The following UCK2 variants were observed in gnomAD, a reference collection of about 807,000 sequenced individuals.
UCK2 encodes cytidine monophosphokinase 2.
UCK2 carries 6 observed loss-of-function variants against 30.8 expected under a neutral mutation model. The observed-to-expected ratio is 0.19, with a 90% CI of 0.11 to 0.38. The LOEUF is 0.38. Ranked by LOEUF, UCK2 falls within the 10% of genes least tolerant of loss-of-function variation. UCK2 has a pLI of 1.00. For synonymous variants in UCK2, 125 were observed against 133.6 expected, an observed-to-expected ratio of 0.94 and a Z score of 0.45; for missense variants, 210 against 339.8, an observed-to-expected ratio of 0.62 and a Z score of 3.00.
At position 165,908,670 on chromosome 1, in the gene UCK2, C is replaced by T. The variant is rs1478737722; in HGVS notation, c.*847C>T. On this transcript the variant is annotated 3_prime_UTR_variant, in exon 7 of 7. Coordinates refer to ENST00000367879, the MANE Select transcript of UCK2 (RefSeq NM_012474.5). The stretch of plus-strand genomic sequence containing the variant: ...GGAAGAGATTTTATGGGATCGCTTC[C>T]TGATAGAAGATGGGAAGGAGAGGGC... 1 of 152,086 alleles carries T rather than the reference C, an allele frequency of 6.6e-6. No individual in the cohort carries two copies. The highest frequency in any genetic ancestry group is 1.9e-4 in the East Asian group (1 of 5,176). The allele number at this position is 152,086 out of a possible 1,614,324, so 9.4% of individuals were successfully genotyped here.
chr1:165,848,374 G>A (rs1654502809), intron 1 of UCK2, among the ~76,000 whole-genome samples: 1 of 152,322 alleles, frequency 6.6e-6, no homozygotes, highest in East Asian at 1.9e-4. Context: ...GCTTACGCCT[G>A]TAATCCCAGC....
chr1:165,890,161 T>C, intron 1 of UCK2, 43 bp from the exon 2 acceptor site: 1 of 1,610,552 alleles, frequency 6.2e-7, no homozygotes, highest in Non-Finnish European at 8.5e-7. Flanking sequence ...GTACCACACG[T>C]GCCCTTTCTC....
In UCK2 at chr1:165,907,732, G is replaced by A; in HGVS notation, c.695G>A (p.Gly232Glu). The A allele has an allele frequency of 6.2e-7, 1 of 1,614,166 alleles. No individual in the cohort carries two copies. The highest frequency in any genetic ancestry group is 8.5e-7 in the Non-Finnish European group (1 of 1,180,034). ...CACATCCAGGACATCCTGAATGGAGGGCCCTCCAAACGGCAGACCAATGGC... is the reference window on the plus strand; with the variant it reads ...CACATCCAGGACATCCTGAATGGAGAGCCCTCCAAACGGCAGACCAATGGC... The part of the protein sequence containing the change: ...VQHIQDILNG[G>E]PSKRQTNGCL... Residue 232 changes from glycine to glutamate, a missense_variant, in exon 7 of 7, where the codon GGG becomes GAG. By Grantham distance (98) the Gly-to-Glu change is moderately conservative. This residue lies in a region of UCK2 where 38 missense variants were observed against 45.4 expected (regional missense o/e 0.84). Transcript: ENST00000367879.
chr1:165,852,731 C>T (rs1654628882), intron 1 of UCK2, among the ~76,000 whole-genome samples: 1 of 152,136 alleles, frequency 6.6e-6, no homozygotes, highest in Non-Finnish European at 1.5e-5. Context: ...TCTATCCTTC[C>T]TTATATAAGT....
intron 1 of UCK2, among the ~76,000 whole-genome samples, chr1:165,841,109 G>A (rs1277195573): frequency 4.3e-5 from 2 of 46,472 alleles, no homozygotes; most frequent in African/African-American, 4.6e-5. Context: ...GTGTGTGTGT[G>A]TGTATATATA....
rs187445851 is a variant in UCK2, at chr1:165,874,186, A to G, written c.100-16018A>G. Among the ~76,000 whole-genome samples the G allele has an allele frequency of 9.8e-5, 15 of 152,330 alleles. No individual in the cohort carries two copies. In the East Asian group the frequency reaches 2.9e-3, roughly 29 times the overall value. ...GGAACTTGATGCTGCCCTCATAAGC[A>G]CTGATTCTCTGGGCTCCACAATCAC... On this transcript the variant is annotated intron_variant, in intron 1 of 6. Transcript: ENST00000367879.
chr1:165,852,096 C>A (rs1488376867), intron 1 of UCK2, among the ~76,000 whole-genome samples: 2 of 152,166 alleles, frequency 1.3e-5, no homozygotes, highest in African/African-American at 4.8e-5. Context: ...TGGGTGCATA[C>A]ACGGTAATGG....
chr1:165,896,845 T>G lies in UCK2; in HGVS notation c.499+513T>G, dbSNP rs534491015. ...CAGTCAGCTCAGGAGGGAAGTCAGC[T>G]GTGCCCTCCGCAGGCCCTACTAAGT... On this transcript the variant is annotated intron_variant, in intron 4 of 6. Transcript: ENST00000367879. Among the ~76,000 whole-genome samples, 23 of 152,328 alleles carry G rather than the reference T, an allele frequency of 1.5e-4. No homozygotes were observed. In the South Asian group the frequency reaches 4.6e-3, roughly 30 times the overall value.
chr1:165,884,019 G>T (rs1441450726), intron 1 of UCK2, among the ~76,000 whole-genome samples: 1 of 152,200 alleles, frequency 6.6e-6, no homozygotes, highest in East Asian at 1.9e-4. Context: ...ACCCGCAAAG[G>T]AGTGATGTAA....
At chr1:165,895,454 A>G in intron 3 of UCK2, 1 of 984,670 alleles carries the variant, frequency 1.0e-6, no homozygotes, top group Non-Finnish European at 1.2e-6. Flanking sequence ...CATGTTTACA[A>G]TTAGTGCCTG....
At chr1:165,860,007 T>G (rs1654854793) in intron 1 of UCK2, among the ~76,000 whole-genome samples, 1 of 152,236 alleles carries the variant, frequency 6.6e-6, no homozygotes, top group Non-Finnish European at 1.5e-5. Context: ...TTCTTTGGGT[T>G]GCTGTTTGCG....
At chr1:165,870,907 G>A (rs6703209) in intron 1 of UCK2, among the ~76,000 whole-genome samples, 51,738 of 152,034 alleles carry the variant, frequency 0.34, 8,954 homozygotes, top group East Asian at 0.44. Context: ...AACCTCCGCC[G>A]TCCAGGTTCA....
intron 1 of UCK2, among the ~76,000 whole-genome samples, chr1:165,847,724 C>T (rs111895739): frequency 0.1 from 15,372 of 152,084 alleles, 1,866 homozygotes; most frequent in African/African-American, 0.29. Context: ...AGCGATCCTC[C>T]TGCCTCATCC....
chr1:165,842,393 T>C (rs1654352100), intron 1 of UCK2, among the ~76,000 whole-genome samples: 1 of 152,162 alleles, frequency 6.6e-6, no homozygotes, highest in South Asian at 2.1e-4. Context: ...TCTTCACCAA[T>C]GATTATCCAG....
chr1:165,857,484 C>T (rs945656876), intron 1 of UCK2, among the ~76,000 whole-genome samples: 8 of 152,108 alleles, frequency 5.3e-5, no homozygotes, highest in East Asian at 1.9e-4. Context: ...ATGAGGGAGC[C>T]ACAATTGCCT....
intron 1 of UCK2, among the ~76,000 whole-genome samples, chr1:165,862,620 C>T (rs1557838926): frequency 6.6e-6 from 1 of 152,142 alleles, no homozygotes; most frequent in South Asian, 2.1e-4. Flanking sequence ...TTTTGACTTC[C>T]GTATAGTAGT....
At chr1:165,846,697 A>G (rs977699066) in intron 1 of UCK2, among the ~76,000 whole-genome samples, 5 of 152,206 alleles carry the variant, frequency 3.3e-5, no homozygotes, top group Non-Finnish European at 5.9e-5. Flanking sequence ...AAGCACGAAC[A>G]CTTTTTGATA....
In UCK2 at chr1:165,890,300, C is replaced by T. The variant is rs745621296; in HGVS notation, c.196C>T (p.Arg66Cys). 3.7e-6 allele frequency: 6 copies of T among 1,614,124 alleles called. No homozygotes were observed. The highest frequency in any genetic ancestry group is 3.3e-5 in the South Asian group (3 of 91,078). ...CATCCTGAGCCAGGATAGCTTCTACCGTGTCCTTACCTCGGAGCAGAAGGC... is the reference window on the plus strand; with the variant it reads ...CATCCTGAGCCAGGATAGCTTCTACTGTGTCCTTACCTCGGAGCAGAAGGC... ...VVILSQDSFY[R>C]VLTSEQKAKA... The change falls in exon 2 of 7, where the codon CGT becomes TGT. Residue 66 changes from arginine to cysteine, a missense_variant. Arg to Cys is a radical substitution (Grantham distance 180). Coordinates refer to ENST00000367879, the MANE Select transcript of UCK2 (RefSeq NM_012474.5).
intron 1 of UCK2, 129 bp downstream of exon 1, chr1:165,828,061 C>T (rs912111606): frequency 3.9e-5 from 22 of 560,128 alleles, no homozygotes; most frequent in Non-Finnish European, 5.0e-5. Flanking sequence ...CTCCCGGCCG[C>T]GCTCCAGCGC....
Sources: allele counts gnomAD v4.1 joint callset (sites outside exome capture counted in the v4.1 genomes callset), GRCh38; gene constraint gnomAD v4.1.1; regional missense constraint gnomAD v4.1.1; transcripts MANE v1.5; gene names NCBI Gene and HGNC (gene_info 2026-07-23, HGNC 2026-07-21).